GLIPR2: variants seen among roughly 807,000 people sequenced by gnomAD.
GLIPR2 encodes Golgi-associated plant pathogenesis-related protein 1.
In GLIPR2, 21 loss-of-function variants were observed where a neutral mutation model predicts 20.4. That is an observed-to-expected ratio of 1.03 (90% CI 0.73 to 1.48). The LOEUF is 1.48. Among genes scored for constraint, GLIPR2 ranks in the 40% most tolerant of loss-of-function variants. The pLI is 0.00. For synonymous variants in GLIPR2, 91 were observed against 80.5 expected (o/e 1.13, Z -0.70); for missense variants, 205 against 200.1 (o/e 1.02, Z -0.15).
intron 1 of GLIPR2, among the ~76,000 whole-genome samples, chr9:36,139,337 T>C (rs1475956022): frequency 6.6e-6 from 1 of 152,046 alleles, no homozygotes; most frequent in African/African-American, 2.4e-5. Context: ...CCAGGGACCT[T>C]GCAGAATTCT....
At chr9:36,158,794 G>A (rs1012031866) in intron 4 of GLIPR2, among the ~76,000 whole-genome samples, 6 of 152,236 alleles carry the variant, frequency 3.9e-5, no homozygotes, top group African/African-American at 1.4e-4. Flanking sequence ...GCCAGGCATG[G>A]TGGCTCACGC....
Position 36,157,806 on chromosome 9 carries a change from T to G in GLIPR2, c.305-4556T>G, listed in dbSNP as rs187949913. 6.9e-3 allele frequency among the ~76,000 whole-genome samples: 1,005 copies of G among 145,610 alleles called. 10 individuals carry two copies. Among genetic ancestry groups the G allele is most frequent in the African/African-American group, 0.024 (939 of 39,036 alleles). On this transcript the variant is annotated intron_variant, in intron 4 of 4. Coordinates refer to ENST00000377960, the MANE Select transcript of GLIPR2 (RefSeq NM_022343.4). Reference sequence around the variant, plus strand: ...CACTTGGGCTGTGTGTCTTTGTGGGTTTTTTTTTTGTTTTTTGTTTTTTCG... The same window carrying G: ...CACTTGGGCTGTGTGTCTTTGTGGGGTTTTTTTTTGTTTTTTGTTTTTTCG...
At chr9:36,152,750 CAAAAAAAAAAAA>C (rs1217889590) in intron 4 of GLIPR2, among the ~76,000 whole-genome samples, 2 of 41,634 alleles carry the variant, frequency 4.8e-5, no homozygotes, top group African/African-American at 1.1e-4. Context: ...AACTCTGTCT[CAAAAAAAAAAAA>C]AAAAAAAAAA....
intron 1 of GLIPR2, chr9:36,144,739 CTT>C (rs1456135815): frequency 6.6e-6 from 1 of 152,446 alleles, no homozygotes; most frequent in Non-Finnish European, 1.5e-5. Flanking sequence ...GCCGCGTACT[CTT>C]TGTCTAAGCG....
At chr9:36,137,042 G>T (rs560381791) in intron 1 of GLIPR2, among the ~76,000 whole-genome samples, 62 of 152,280 alleles carry the variant, frequency 4.1e-4, no homozygotes, top group Middle Eastern at 3.4e-3. Flanking sequence ...GGGGCTGCGC[G>T]CCGCGGCCCG....
intron 4 of GLIPR2, among the ~76,000 whole-genome samples, chr9:36,160,595 G>A (rs914175564): frequency 6.6e-6 from 1 of 152,158 alleles, no homozygotes. Context: ...AATGTGCAAG[G>A]GTTCTGAGGT....
At chr9:36,138,983 CG>C (rs1156287788) in intron 1 of GLIPR2, among the ~76,000 whole-genome samples, 1 of 151,896 alleles carries the variant, frequency 6.6e-6, no homozygotes, top group Admixed American at 6.6e-5. Context: ...TAGGGTAGAT[CG>C]GATGGATGGA....
chr9:36,152,182 G>A (rs1322607340), intron 4 of GLIPR2, among the ~76,000 whole-genome samples: 3 of 152,204 alleles, frequency 2.0e-5, no homozygotes, highest in Non-Finnish European at 2.9e-5. Context: ...TCCAGGCTGG[G>A]CTGGCAGGGC....
chr9:36,162,035 C>T (rs1333956807), intron 4 of GLIPR2, among the ~76,000 whole-genome samples: 3 of 152,024 alleles, frequency 2.0e-5, no homozygotes, highest in East Asian at 1.9e-4. Flanking sequence ...ATTAGCTGGG[C>T]GTGGTGGCAT....
At chr9:36,153,851 A>G (rs1479297961) in intron 4 of GLIPR2, among the ~76,000 whole-genome samples, 3 of 151,824 alleles carry the variant, frequency 2.0e-5, no homozygotes, top group East Asian at 3.9e-4. Flanking sequence ...TGGTGAGCCA[A>G]GATCTCGCCA....
chr9:36,147,440 A>G (rs935589646), intron 1 of GLIPR2, among the ~76,000 whole-genome samples: 1 of 151,926 alleles, frequency 6.6e-6, no homozygotes, highest in Non-Finnish European at 1.5e-5. Context: ...TGCATCCTCC[A>G]CTCAGCAGCC....
chr9:36,160,344 TG>T (rs1826002316), intron 4 of GLIPR2, among the ~76,000 whole-genome samples: 1 of 151,990 alleles, frequency 6.6e-6, no homozygotes, highest in African/African-American at 2.4e-5. Flanking sequence ...TTTTGAAAAA[TG>T]ATTCGGCAGT....
chr9:36,144,048 G>A (rs1190818902), intron 1 of GLIPR2, among the ~76,000 whole-genome samples: 1 of 152,076 alleles, frequency 6.6e-6, no homozygotes, highest in Non-Finnish European at 1.5e-5. Flanking sequence ...AATCACCACT[G>A]CCTCTTGCAC....
chr9:36,140,399 T>C (rs758660739), intron 1 of GLIPR2, among the ~76,000 whole-genome samples: 1 of 152,214 alleles, frequency 6.6e-6, no homozygotes, highest in Non-Finnish European at 1.5e-5. Flanking sequence ...TCTGTTGCTT[T>C]TATTGAAGGT....
chr9:36,160,862 T>G (rs1262495453), intron 4 of GLIPR2, among the ~76,000 whole-genome samples: 1 of 151,960 alleles, frequency 6.6e-6, no homozygotes, highest in Non-Finnish European at 1.5e-5. Context: ...GACAACATGG[T>G]GAAACCTTGT....
chr9:36,152,835 G>A lies in GLIPR2; in HGVS notation c.304+1886G>A, dbSNP rs144502221. ...ATTTGAAAGTAGGGTTTGGCCAGGC[G>A]CAGTAGCTCATGCCTGTCATCCCAA... On this transcript the variant is annotated intron_variant, in intron 4 of 4. Coordinates refer to ENST00000377960, the MANE Select transcript of GLIPR2 (RefSeq NM_022343.4). 1.3e-3 allele frequency among the ~76,000 whole-genome samples: 186 copies of A among 148,526 alleles called. 1 individual carries two copies. The highest frequency in any genetic ancestry group is 7.0e-3 in the Middle Eastern group (2 of 286).
intron 4 of GLIPR2, among the ~76,000 whole-genome samples, chr9:36,151,525 C>A (rs1466978106): frequency 6.6e-6 from 1 of 152,126 alleles, no homozygotes; most frequent in East Asian, 1.9e-4. Flanking sequence ...GCTTGGGGTG[C>A]AGAGAACCTG....
intron 4 of GLIPR2, among the ~76,000 whole-genome samples, chr9:36,159,022 G>A (rs1053669502): frequency 1.3e-5 from 2 of 152,006 alleles, no homozygotes; most frequent in African/African-American, 2.4e-5. Flanking sequence ...CTACGATCGC[G>A]CCACTGCACT....
chr9:36,154,099 T>TC (rs1825722888), intron 4 of GLIPR2, among the ~76,000 whole-genome samples: 2 of 111,850 alleles, frequency 1.8e-5, no homozygotes, highest in African/African-American at 6.6e-5. Flanking sequence ...ATATATATCT[T>TC]TTCCCCCCCC....
Sources: gnomAD v4.1 joint callset for allele counts (sites outside exome capture counted in the v4.1 genomes callset) on GRCh38, gnomAD v4.1.1 for gene constraint, MANE v1.5 for transcripts, NCBI Gene and HGNC (gene_info 2026-07-23, HGNC 2026-07-21) for gene names.